Variants in MUC12 observed in about 807,000 individuals in gnomAD.
MUC12 encodes mucin 12, cell surface associated, also known as mucin-12.
MUC12 carries 172 observed loss-of-function variants against 230.8 expected under a neutral mutation model. The ratio of observed to expected loss-of-function variants is 0.75; its 90% CI spans 0.66 to 0.85. MUC12 has a LOEUF of 0.85. MUC12 is among the 40% of genes least tolerant of loss of function. The pLI, the probability that MUC12 is intolerant of heterozygous loss-of-function variation, is 0.00. For missense variants in MUC12, 3,506 were observed against 5,920.6 expected (o/e 0.59, Z 13.38); for synonymous variants, 1,259 against 2,401.9 (o/e 0.52, Z 13.91).
At chr7:101,015,928 C>T (rs1387577475) in intron 10 of MUC12, among the ~76,000 whole-genome samples, 1 of 152,168 alleles carries the variant, frequency 6.6e-6, no homozygotes, top group African/African-American at 2.4e-5. Context: ...TCAGTGAGGG[C>T]ATCCAGTGCA....
At position 100,991,542 on chromosome 7, in the gene MUC12, A is replaced by G. The variant is rs1367559080; in HGVS notation, c.979A>G (p.Ser327Gly). 14 of 1,536,992 alleles carry G rather than the reference A, an allele frequency of 9.1e-6. No individual in the cohort carries two copies. Among genetic ancestry groups the G allele is most frequent in the Non-Finnish European group, 1.1e-5 (13 of 1,146,562 alleles). The change falls in exon 2 of 12, where the codon AGT (serine) becomes GGT (glycine). Residue 327 changes from serine (S) to glycine (G), a missense_variant. By Grantham distance (56) the Ser-to-Gly change is moderately conservative (BLOSUM62 0). Transcript: ENST00000536621. ...TGCCAGCTCCACAACCTTGGGCCAT[A>G]GTGAGGAATCGACACCAGTCCACAG... Reference protein sequence around the residue: ...FSASSTTLGHSEESTPVHSSP... With the variant: ...FSASSTTLGHGEESTPVHSSP...
chr7:101,004,624 C>A lies in MUC12; in HGVS notation c.14061C>A (p.His4687Gln), dbSNP rs529961565. The change falls in exon 2 of 12, where the codon CAC becomes CAA. Residue 4687 changes from histidine (H) to glutamine (Q), a missense_variant. Coordinates refer to ENST00000536621, the MANE Select transcript of MUC12 (RefSeq NM_001164462.2). ...GTAGTGAGGAATCAACAGCATCCCA[C>A]AGCAGCCCAGATACAAATGGAATCA... Reference protein sequence around the residue: ...SGRSEESTASHSSPDTNGITP... With the variant: ...SGRSEESTASQSSPDTNGITP... 1.1e-5 allele frequency: 17 copies of A among 1,537,298 alleles called. No homozygotes were observed. The highest frequency in any genetic ancestry group is 1.5e-5 in the Non-Finnish European group (17 of 1,146,608).
chr7:101,008,251 C>T (rs569473524), intron 3 of MUC12, among the ~76,000 whole-genome samples: 27 of 152,084 alleles, frequency 1.8e-4, no homozygotes, highest in Non-Finnish European at 3.7e-4. Context: ...CTCAGCCTTC[C>T]GAGTAGCTGG....
At chr7:100,976,178 T>A (rs1333629523) in intron 1 of MUC12, among the ~76,000 whole-genome samples, 2 of 130,564 alleles carry the variant, frequency 1.5e-5, no homozygotes, top group Non-Finnish European at 3.3e-5. Context: ...CTCAGGAGGC[T>A]GAGGGGAGAG....
In MUC12 at chr7:100,995,510, C is replaced by G. The variant is rs1273748213; in HGVS notation, c.4947C>G (p.Asp1649Glu). The change falls in exon 2 of 12, where the codon GAC (aspartate) becomes GAG (glutamate). Residue 1649 changes from aspartate (D) to glutamate (E), a missense_variant. Transcript: ENST00000536621. ...CCACTGAAACAACACTCTTACCTGACAACACCACAGCCTCAGGCCTCCTTG... is the reference window on the plus strand; with the variant it reads ...CCACTGAAACAACACTCTTACCTGAGAACACCACAGCCTCAGGCCTCCTTG... ...PGSTETTLLP[D>E]NTTASGLLEA... 4.0e-5 allele frequency: 61 copies of G among 1,535,890 alleles called. No individual in the cohort carries two copies. The highest frequency in any genetic ancestry group is 4.7e-5 in the Non-Finnish European group (54 of 1,146,836).
chr7:101,010,992 T>G (rs1261278445), intron 5 of MUC12, among the ~76,000 whole-genome samples: 1 of 152,022 alleles, frequency 6.6e-6, no homozygotes, highest in African/African-American at 2.4e-5. Flanking sequence ...GTATCCCCAG[T>G]TGGATGTCAC....
intron 1 of MUC12, among the ~76,000 whole-genome samples, chr7:100,977,898 G>T (rs537465758): frequency 9.9e-5 from 15 of 152,202 alleles, no homozygotes; most frequent in Admixed American, 2.0e-4. Context: ...GACGCCTGGT[G>T]TTCCTTGGCT....
At chr7:100,984,826 C>T (rs4605982) in intron 1 of MUC12, among the ~76,000 whole-genome samples, 96,213 of 151,972 alleles carry the variant, frequency 0.63, 30,770 homozygotes, top group Non-Finnish European at 0.67. Flanking sequence ...TGAGGAGCTA[C>T]CCCTTACTGG....
Position 101,004,881 on chromosome 7 carries a change from C to G in MUC12, c.14318C>G (p.Ala4773Gly), listed in dbSNP as rs907087411. ...GAACCCACCAGCTTGTATAGCCAAG[C>G]AGAGTCAACACACACAACAGCGTTC... ...SGEPTSLYSQ[A>G]ESTHTTAFPA... The change falls in exon 2 of 12, where the codon GCA (alanine) becomes GGA (glycine). Residue 4773 changes from alanine to glycine, a missense_variant. Transcript: ENST00000536621. The G allele has an allele frequency of 7.2e-6, 11 of 1,537,792 alleles. No individual in the cohort carries two copies. Among genetic ancestry groups the G allele is most frequent in the African/African-American group, 1.4e-5 (1 of 73,040 alleles).
chr7:101,014,777 CTTAAA>C (rs10533221), intron 9 of MUC12, among the ~76,000 whole-genome samples: 79,665 of 143,330 alleles, frequency 0.56, 22,651 homozygotes, highest in East Asian at 0.71. Context: ...CGTGCCCGGC[CTTAAA>C]TTAAATTAAA....
In MUC12 at chr7:101,018,585, C is replaced by CGTCCCCCA. The variant is rs997782548; in HGVS notation, c.15967-8_15967-1dup. ...CCCCTTGGCCTCACCTCTTCTCTCCCGTCCCCCAGCTCCACATCCAGAGGC... is the reference window on the plus strand; with the variant it reads ...CCCCTTGGCCTCACCTCTTCTCTCCCGTCCCCCAGTCCCCCAGCTCCACATCCAGAGGC... On this transcript the variant is annotated splice_polypyrimidine_tract_variant and intron_variant, in intron 11 of 11. Transcript: ENST00000536621. 16 of 1,536,176 alleles carry CGTCCCCCA rather than the reference C, an allele frequency of 1.0e-5. No homozygotes were observed. Among genetic ancestry groups the CGTCCCCCA allele is most frequent in the Non-Finnish European group, 1.1e-5 (13 of 1,146,320 alleles).
chr7:100,992,306 C>T lies in MUC12; in HGVS notation c.1743C>T (p.His581=). The change falls in exon 2 of 12, where the codon CAC becomes CAT. Residue 581 remains histidine (H), a synonymous_variant. Coordinates refer to ENST00000536621, the MANE Select transcript of MUC12 (RefSeq NM_001164462.2). Reference sequence around the variant, plus strand: ...TTGGTCCAGAATATACTACCTTCCACAGCCGCCCAGGCTCCACTGAAACAA... The same window carrying T: ...TTGGTCCAGAATATACTACCTTCCATAGCCGCCCAGGCTCCACTGAAACAA... ...SSLGPEYTTF[H]SRPGSTETTL... The T allele has an allele frequency of 2.0e-6, 3 of 1,536,840 alleles. No homozygotes were observed. Among genetic ancestry groups the T allele is most frequent in the Non-Finnish European group, 2.6e-6 (3 of 1,146,152 alleles).
intron 1 of MUC12, among the ~76,000 whole-genome samples, chr7:100,985,741 C>T (rs184117502): frequency 1.3e-5 from 2 of 151,990 alleles, no homozygotes; most frequent in South Asian, 2.1e-4. Context: ...GGCCTCTGGA[C>T]GAGACACAGA....
Position 100,995,433 on chromosome 7 carries a change from A to T in MUC12, c.4870A>T (p.Thr1624Ser), listed in dbSNP as rs1283682389. 2 of 1,533,744 alleles carry T rather than the reference A, an allele frequency of 1.3e-6. No homozygotes were observed. The highest frequency in any genetic ancestry group is 1.2e-5 in the South Asian group (1 of 83,782). The change falls in exon 2 of 12, where the codon ACA (threonine) becomes TCA (serine). Residue 1624 changes from threonine (T) to serine (S), a missense_variant. Coordinates refer to ENST00000536621, the MANE Select transcript of MUC12 (RefSeq NM_001164462.2). ...TDTTLSPGST[T>S]ASSLGPESTT... Reference sequence around the variant, plus strand: ...CACAACATTGTCCCCTGGCAGTACCACAGCATCATCCCTTGGTCCAGAATC... The same window carrying T: ...CACAACATTGTCCCCTGGCAGTACCTCAGCATCATCCCTTGGTCCAGAATC...
rs774343438 is a variant in MUC12 at position 100,971,173 on chromosome 7, G to GAAAC, written c.67+1492_67+1495dup. Among the ~76,000 whole-genome samples the GAAAC allele has an allele frequency of 8.8e-3, 393 of 44,616 alleles. 1 individual carries two copies. Among genetic ancestry groups the GAAAC allele is most frequent in the Middle Eastern group, 0.024 (2 of 82 alleles). The allele number at this position is 44,616 out of a possible 152,430, so 29.3% of individuals were successfully genotyped here. On this transcript the variant is annotated intron_variant, in intron 1 of 11. Transcript: ENST00000536621. Reference sequence around the variant, plus strand: ...CTCTCAAAAAAAAACAAACAAAAAAGAAACAAACAAAAAAAAAACAAACCG... The same window carrying GAAAC: ...CTCTCAAAAAAAAACAAACAAAAAAGAAACAAACAAACAAAAAAAAAACAAACCG...
rs1793593945 is a variant in MUC12, at chr7:101,001,216, C to G, written c.10653C>G (p.His3551Gln). The change falls in exon 2 of 12, where the codon CAC becomes CAG. Residue 3551 changes from histidine (H) to glutamine (Q), a missense_variant. Physicochemically the swap from His to Gln is conservative, Grantham distance 24. Coordinates refer to ENST00000536621, the MANE Select transcript of MUC12 (RefSeq NM_001164462.2). Reference sequence around the variant, plus strand: ...CCAGTCAGGAATCAACAACTTCCCACAGCAGCTCAGGTTCAACTGACACAG... The same window carrying G: ...CCAGTCAGGAATCAACAACTTCCCAGAGCAGCTCAGGTTCAACTGACACAG... ...SGSSQESTTS[H>Q]SSSGSTDTAL... 1 of 950,432 alleles carries G rather than the reference C, an allele frequency of 1.1e-6. No homozygotes were observed. The highest frequency in any genetic ancestry group is 1.7e-5 in the South Asian group (1 of 59,528). The allele number at this position is 950,432 out of a possible 1,614,324, so 58.9% of individuals were successfully genotyped here.
Position 101,012,483 on chromosome 7 carries a change from G to A in MUC12, c.15403+36G>A, listed in dbSNP as rs751486542. On this transcript the variant is annotated intron_variant, in intron 6 of 11. Coordinates refer to ENST00000536621, the MANE Select transcript of MUC12 (RefSeq NM_001164462.2). ...CTAAAACCCCTTGACACCTGTGGGT[G>A]TCTTGGAGATCGTGACCTTGACCTC... 12 of 1,532,994 alleles carry A rather than the reference G, an allele frequency of 7.8e-6. No homozygotes were observed. In the South Asian group the frequency reaches 1.3e-4, roughly 17 times the overall value. The allele number at this position is 1,532,994 out of a possible 1,614,324, so 95.0% of individuals were successfully genotyped here.
At chr7:100,983,415 GT>G in intron 1 of MUC12, among the ~76,000 whole-genome samples, 1 of 146,830 alleles carries the variant, frequency 6.8e-6, no homozygotes, top group Admixed American at 6.8e-5. Context: ...GCGAGACTCC[GT>G]TAAAAAAAAA....
At position 100,995,853 on chromosome 7, in the gene MUC12, G is replaced by T. The variant is rs1562786343; in HGVS notation, c.5290G>T (p.Gly1764Cys). ...TPSPARSTTS[G>C]LVEESTAYHS... ...CTCGCCTGCCCGCTCCACAACCTCA[G>T]GCCTCGTTGAAGAATCTACGGCGTA... is the stretch of plus-strand genomic sequence containing the variant. Residue 1764 changes from glycine to cysteine, a missense_variant, in exon 2 of 12, where the codon GGC becomes TGC. Physicochemically the swap from Gly to Cys is radical, Grantham distance 159. Coordinates refer to ENST00000536621, the MANE Select transcript of MUC12 (RefSeq NM_001164462.2). 1 of 1,459,138 alleles carries T rather than the reference G, an allele frequency of 6.9e-7. No homozygotes were observed. Among genetic ancestry groups the T allele is most frequent in the Non-Finnish European group, 9.2e-7 (1 of 1,089,466 alleles). 90.4% of individuals were successfully genotyped at this position (1,459,138 alleles called of 1,614,324 possible). A position where few individuals can be genotyped will look rare whatever the true frequency, so the allele number is the denominator to read the frequency against.
Sources: allele counts gnomAD v4.1 joint callset (sites outside exome capture counted in the v4.1 genomes callset), GRCh38; gene constraint gnomAD v4.1.1; transcripts MANE v1.5; gene names NCBI Gene and HGNC (gene_info 2026-07-23, HGNC 2026-07-21).